Variants in CUBN observed in about 807,000 individuals in gnomAD.
CUBN encodes the protein 460 kDa receptor.
CUBN carries 282 observed loss-of-function variants against 405.3 expected under a neutral mutation model. The ratio of observed to expected loss-of-function variants is 0.70; its 90% CI spans 0.63 to 0.77. CUBN has a LOEUF of 0.77. Among genes scored for constraint, CUBN ranks in the 30% least tolerant of loss-of-function variants. The pLI, the probability that CUBN is intolerant of heterozygous loss-of-function variation, is 0.00. For missense variants in CUBN, 4,514 were observed against 4,475.2 expected, an observed-to-expected ratio of 1.01 and a Z score of -0.25; for synonymous variants, 1,684 against 1,617.0, an observed-to-expected ratio of 1.04 and a Z score of -0.99.
chr10:17,076,305 T>G (rs1054243195), intron 17 of CUBN, among the ~76,000 whole-genome samples: 7 of 152,126 alleles, frequency 4.6e-5, no homozygotes, highest in African/African-American at 1.7e-4. Flanking sequence ...AATGAAACCT[T>G]ATTAATTCTG....
intron 28 of CUBN, among the ~76,000 whole-genome samples, chr10:16,996,212 T>TG (rs1204065910): frequency 1.8e-4 from 27 of 152,222 alleles, no homozygotes; most frequent in African/African-American, 6.5e-4. Context: ...AGGCAAAATC[T>TG]AACAGAATAC....
At chr10:16,945,766 C>T (rs1842761275) in intron 36 of CUBN, among the ~76,000 whole-genome samples, 1 of 102,088 alleles carries the variant, frequency 9.8e-6, no homozygotes, top group Non-Finnish European at 1.8e-5. Context: ...GACTGTGTCT[C>T]CAAAAAAAAA....
chr10:17,023,277 A>T (rs995968577), intron 27 of CUBN, among the ~76,000 whole-genome samples: 3 of 151,554 alleles, frequency 2.0e-5, no homozygotes, highest in Non-Finnish European at 4.4e-5. Context: ...CTTTGGGGGG[A>T]GAAAATTATG....
intron 63 of CUBN, among the ~76,000 whole-genome samples, chr10:16,835,629 TA>T (rs1025253805): frequency 2.0e-5 from 3 of 146,966 alleles, no homozygotes; most frequent in Admixed American, 6.8e-5. Flanking sequence ...TTTTTTTTGG[TA>T]AAAAAATACC....
rs548396901 is a variant in CUBN, at chr10:16,857,913, C to A, written c.9455-6470G>T. On this transcript the variant is annotated intron_variant, in intron 59 of 66. Transcript: ENST00000377833. ...AGTAACTATTAGCTGCAGAAAATCCCAAGTAATATGGAAAAACATTCTTAG... is the reference window on the plus strand; with the variant it reads ...AGTAACTATTAGCTGCAGAAAATCCAAAGTAATATGGAAAAACATTCTTAG... 1.2e-4 allele frequency among the ~76,000 whole-genome samples: 19 copies of A among 152,148 alleles called. No homozygotes were observed. In the South Asian group the frequency reaches 1.5e-3, roughly 12 times the overall value.
chr10:17,093,034 A>G (rs902690175), intron 14 of CUBN, among the ~76,000 whole-genome samples: 3 of 152,226 alleles, frequency 2.0e-5, no homozygotes, highest in East Asian at 1.9e-4. Context: ...AGAGAAGCAT[A>G]TAAAGTATGT....
intron 29 of CUBN, among the ~76,000 whole-genome samples, chr10:16,984,937 C>T (rs780592516): frequency 2.2e-4 from 33 of 152,234 alleles, no homozygotes; most frequent in Non-Finnish European, 4.1e-4. Context: ...CCTCCCTGTG[C>T]CTGCTCCCAG....
rs1833304582 is a variant in CUBN at position 16,982,557 on chromosome 10, C to T, written c.4622G>A (p.Arg1541Gln). 11 of 1,613,712 alleles carry T rather than the reference C, an allele frequency of 6.8e-6. No individual in the cohort carries two copies. Among genetic ancestry groups the T allele is most frequent in the Admixed American group, 5.0e-5 (3 of 60,010 alleles). Residue 1541 changes from arginine (R) to glutamine (Q), a missense_variant, in exon 31 of 67, where the codon CGG becomes CAG. Arg to Gln is a conservative substitution (Grantham distance 43, BLOSUM62 1). Coordinates refer to ENST00000377833, the MANE Select transcript of CUBN (RefSeq NM_001081.4). ...GAGAACACGATGATTTCTGTCAACC[C>T]GAATGACCCAAGAACAGTCTGTGTT... is the stretch of plus-strand genomic sequence containing the variant. ...RSNTDCSWVI[R>Q]VDRNHRVLLN...
chr10:17,069,198 G>T (rs1835682105), intron 19 of CUBN, among the ~76,000 whole-genome samples: 1 of 152,100 alleles, frequency 6.6e-6, no homozygotes, highest in Non-Finnish European at 1.5e-5. Flanking sequence ...TTTACCAGTT[G>T]ATGGACACTT....
intron 65 of CUBN, among the ~76,000 whole-genome samples, chr10:16,830,320 G>T (rs1295123957): frequency 1.3e-5 from 2 of 152,120 alleles, no homozygotes; most frequent in Non-Finnish European, 2.9e-5. Flanking sequence ...CATTACCCAC[G>T]ATTATCTTTA....
chr10:17,110,157 AT>A (rs1836736652), intron 9 of CUBN, among the ~76,000 whole-genome samples: 1 of 152,160 alleles, frequency 6.6e-6, no homozygotes. Context: ...TTGGGTAGTA[AT>A]TCGATTTAGA....
chr10:16,967,543 G>C (rs1843426097), intron 31 of CUBN, among the ~76,000 whole-genome samples: 1 of 152,068 alleles, frequency 6.6e-6, no homozygotes, highest in Admixed American at 6.6e-5. Context: ...ACCCGCACCA[G>C]GAAGCAAAGT....
intron 36 of CUBN, among the ~76,000 whole-genome samples, chr10:16,940,768 G>A (rs979331888): frequency 1.3e-5 from 2 of 152,146 alleles, no homozygotes; most frequent in African/African-American, 2.4e-5. Flanking sequence ...GTACCTCTAA[G>A]ACATGGTGTG....
chr10:16,826,491 G>A (rs1838787949), intron 66 of CUBN, among the ~76,000 whole-genome samples: 1 of 151,976 alleles, frequency 6.6e-6, no homozygotes, highest in Non-Finnish European at 1.5e-5. Flanking sequence ...AGCTACCTCT[G>A]TACTTCATGT....
rs66664283 is a variant in CUBN, at chr10:16,862,160, TCACACACACA to T, written c.9454+7466_9454+7475del. ...GAGACTCCGTCTCTCTCTCTCTCTC[TCACACACACA>T]CACACACACACACACACACACACAT... On this transcript the variant is annotated intron_variant, in intron 59 of 66. Coordinates refer to ENST00000377833, the MANE Select transcript of CUBN (RefSeq NM_001081.4). Among the ~76,000 whole-genome samples, 5 of 131,206 alleles carry T rather than the reference TCACACACACA, an allele frequency of 3.8e-5. No homozygotes were observed. The South Asian group carries it at 9.6e-4, about 25-fold the overall frequency. 86.1% of individuals were successfully genotyped at this position (131,206 alleles called of 152,430 possible). A position where few individuals can be genotyped will look rare whatever the true frequency, so the allele number is the denominator to read the frequency against.
At chr10:16,888,741 G>A (rs1165478798) in intron 55 of CUBN, among the ~76,000 whole-genome samples, 175 bp from the exon 56 acceptor site, 2 of 152,136 alleles carry the variant, frequency 1.3e-5, no homozygotes, top group African/African-American at 4.8e-5. Context: ...ATACATATGT[G>A]CTTAATAAGA....
chr10:17,011,938 C>G (rs556202377), intron 28 of CUBN, among the ~76,000 whole-genome samples: 2 of 152,272 alleles, frequency 1.3e-5, no homozygotes, highest in South Asian at 2.1e-4. Flanking sequence ...CTTAATCCCC[C>G]CTCTAAACAG....
Position 16,918,900 on chromosome 10 carries a change from A to G in CUBN, c.6822-100T>C. On this transcript the variant is annotated intron_variant, in intron 44 of 66. Transcript: ENST00000377833. The stretch of plus-strand genomic sequence containing the variant: ...TCTTTGAAGATATTATTAAATCATC[A>G]TTTCTTAGCATAAAAAACTATGATA... 3 of 1,087,002 alleles carry G rather than the reference A, an allele frequency of 2.8e-6. No individual in the cohort carries two copies. In the South Asian group the frequency reaches 4.1e-5, roughly 15 times the overall value. 67.3% of individuals were successfully genotyped at this position (1,087,002 alleles called of 1,614,324 possible). A position where few individuals can be genotyped will look rare whatever the true frequency, so the allele number is the denominator to read the frequency against.
rs758765116 is a variant in CUBN at position 17,071,483 on chromosome 10, G to A, written c.2568C>T (p.Leu856=). The change falls in exon 19 of 67, where the codon CTC becomes CTT. Residue 856 remains leucine (L), a synonymous_variant. Transcript: ENST00000377833. ...TTCCAATTTCAAAGACAGTGAAGTT[G>A]AGGAGAATGACTTGGCTTTGGGGCT... ...IHQPQSQVIL[L]NFTVFEIGSS... The A allele has an allele frequency of 6.2e-7, 1 of 1,613,962 alleles. No homozygotes were observed. Among genetic ancestry groups the A allele is most frequent in the East Asian group, 2.2e-5 (1 of 44,868 alleles).
Sources: gnomAD v4.1 joint callset for allele counts (sites outside exome capture counted in the v4.1 genomes callset) on GRCh38, gnomAD v4.1.1 for gene constraint, MANE v1.5 for transcripts, NCBI Gene and HGNC (gene_info 2026-07-23, HGNC 2026-07-21) for gene names.